Variants in PDE1A observed in about 807,000 individuals in gnomAD.
The protein encoded by PDE1A is phosphodiesterase 1A.
PDE1A carries 35 observed loss-of-function variants against 61.7 expected under a neutral mutation model. That is an observed-to-expected ratio of 0.57 (90% confidence interval 0.43 to 0.75). The LOEUF is 0.75. Among genes scored for constraint, PDE1A ranks in the 30% least tolerant of loss-of-function variants. PDE1A has a pLI of 0.00. For synonymous variants in PDE1A, 232 were observed against 213.2 expected, an observed-to-expected ratio of 1.09 and a Z score of -0.77; for missense variants, 597 against 630.6, an observed-to-expected ratio of 0.95 and a Z score of 0.57.
chr2:182,642,798 G>A, the PDE1A span, among the ~76,000 whole-genome samples: 1 of 152,162 alleles, frequency 6.6e-6, no homozygotes, highest in African/African-American at 2.4e-5. Flanking sequence ...AGAACCCTAA[G>A]TTATTTTAGG....
the PDE1A span, among the ~76,000 whole-genome samples, chr2:182,569,994 A>G: frequency 6.6e-6 from 1 of 152,144 alleles, no homozygotes; most frequent in Non-Finnish European, 1.5e-5. Context: ...CCCAAGGTGA[A>G]TTTGCTTCTG....
chr2:182,683,081 T>G, the PDE1A span, among the ~76,000 whole-genome samples: 1 of 151,952 alleles, frequency 6.6e-6, no homozygotes, highest in Non-Finnish European at 1.5e-5. Flanking sequence ...CAACTTGTGT[T>G]TTCTTTTTCT....
chr2:182,212,074 C>A (rs561297814), intron 7 of PDE1A, among the ~76,000 whole-genome samples: 2 of 152,110 alleles, frequency 1.3e-5, no homozygotes, highest in Non-Finnish European at 2.9e-5. Flanking sequence ...GACATCTTCC[C>A]TTGTTCACAA....
chr2:182,460,025 T>C (rs1449314961), intron 2 of PDE1A, among the ~76,000 whole-genome samples: 1 of 152,124 alleles, frequency 6.6e-6, no homozygotes, highest in Admixed American at 6.6e-5. Flanking sequence ...TCTTTTGTTC[T>C]TCCTTCTTCC....
intron 1 of PDE1A, among the ~76,000 whole-genome samples, chr2:182,295,553 C>T (rs1411532092): frequency 6.6e-6 from 1 of 152,086 alleles, no homozygotes; most frequent in Non-Finnish European, 1.5e-5. Flanking sequence ...ATGCCAATTT[C>T]CAGGCCCTGA....
At chr2:182,664,973 T>C in the PDE1A span, among the ~76,000 whole-genome samples, 1 of 152,192 alleles carries the variant, frequency 6.6e-6, no homozygotes, top group Non-Finnish European at 1.5e-5. Flanking sequence ...TACACAATAG[T>C]TGTTGTCAAG....
At chr2:182,252,375 T>C (rs1443234154) in intron 2 of PDE1A, among the ~76,000 whole-genome samples, 1 of 152,178 alleles carries the variant, frequency 6.6e-6, no homozygotes, top group East Asian at 1.9e-4. Flanking sequence ...GTATATATGG[T>C]CAGCCATGAA....
chr2:182,167,608 C>G (rs1691722338), downstream of PDE1A, among the ~76,000 whole-genome samples: 2 of 152,122 alleles, frequency 1.3e-5, no homozygotes, highest in African/African-American at 2.4e-5. Context: ...ACTACCCTTT[C>G]CCTCTTCGAA....
At chr2:182,421,253 T>G (rs1703260000) in intron 1 of PDE1A, among the ~76,000 whole-genome samples, 1 of 152,160 alleles carries the variant, frequency 6.6e-6, no homozygotes, top group African/African-American at 2.4e-5. Flanking sequence ...TGAAAAGCCA[T>G]TTCTAAATCT....
In PDE1A at chr2:182,458,974, T is replaced by C. The variant is rs34981789; in HGVS notation, c.101+63302A>G. On this transcript the variant is annotated intron_variant, in intron 2 of 14. Coordinates refer to the PDE1A transcript ENST00000410103. ...TTAAGCTTATCAATATCTTCTCTTG[T>C]TCTTTTTTATTCTTACACAATATAG... Among the ~76,000 whole-genome samples the C allele has an allele frequency of 4.0e-3, 611 of 152,232 alleles. 3 individuals carry two copies. Among genetic ancestry groups the C allele is most frequent in the Non-Finnish European group, 7.0e-3 (475 of 68,010 alleles).
intron 1 of PDE1A, among the ~76,000 whole-genome samples, chr2:182,323,649 A>G (rs926318158): frequency 1.3e-5 from 2 of 152,198 alleles, no homozygotes; most frequent in Admixed American, 1.3e-4. Flanking sequence ...CATCTTCAGC[A>G]TTAGCACTGC....
At position 182,277,395 on chromosome 2, in the gene PDE1A, G is replaced by A. The variant is rs111530590; in HGVS notation, c.54-12981C>T. Among the ~76,000 whole-genome samples, 1,403 of 152,202 alleles carry A rather than the reference G, an allele frequency of 9.2e-3. 18 individuals carry two copies. The highest frequency in any genetic ancestry group is 0.031 in the African/African-American group (1,300 of 41,546). On this transcript the variant is annotated intron_variant, in intron 1 of 13. Coordinates refer to ENST00000351439, the Ensembl canonical transcript of PDE1A. ...TGAAATATTGCGGGCGGGTTCCCCC[G>A]ATAAGCAATTCATTTGGGAATGCCA...
intron 6 of PDE1A, among the ~76,000 whole-genome samples, chr2:182,226,760 T>C (rs1689175017): frequency 2.0e-5 from 3 of 149,948 alleles, no homozygotes; most frequent in South Asian, 4.1e-4. Flanking sequence ...TCATGAGCAA[T>C]GCAACACTGT....
chr2:182,651,861 G>A, the PDE1A span, among the ~76,000 whole-genome samples: 2 of 152,260 alleles, frequency 1.3e-5, no homozygotes, highest in Admixed American at 6.5e-5. Context: ...GGCCTAATAG[G>A]AATATGTGAA....
rs560384150 is a variant in PDE1A, at chr2:182,354,957, C to T, written c.53+71621G>A. On this transcript the variant is annotated intron_variant, in intron 1 of 13. Transcript: ENST00000351439. The stretch of plus-strand genomic sequence containing the variant: ...GAACCAAAGTATTTTTAATAAGGTT[C>T]CTAGAGAACTTTTGATCCATAATTA... Among the ~76,000 whole-genome samples, 41 of 152,046 alleles carry T rather than the reference C, an allele frequency of 2.7e-4. 1 individual carries two copies. In the South Asian group the frequency reaches 6.8e-3, roughly 25 times the overall value.
At chr2:182,573,036 A>G in the PDE1A span, among the ~76,000 whole-genome samples, 4 of 152,142 alleles carry the variant, frequency 2.6e-5, no homozygotes, top group Middle Eastern at 3.2e-3. Flanking sequence ...TAAATCCCCA[A>G]TGAAATAATG....
chr2:182,223,387 T>C (rs1366413351), intron 7 of PDE1A, among the ~76,000 whole-genome samples: 13 of 152,070 alleles, frequency 8.5e-5, no homozygotes, highest in Non-Finnish European at 1.8e-4. Context: ...ATAACTTCCA[T>C]TGTAACCATC....
At chr2:182,653,017 T>G in the PDE1A span, among the ~76,000 whole-genome samples, 1 of 152,202 alleles carries the variant, frequency 6.6e-6, no homozygotes, top group African/African-American at 2.4e-5. Context: ...GTAGCAACTC[T>G]AGCTCTTCAG....
chr2:182,527,646 A>T (rs772439589), upstream of PDE1A, among the ~76,000 whole-genome samples: 2 of 151,990 alleles, frequency 1.3e-5, no homozygotes, highest in Non-Finnish European at 2.9e-5. Context: ...AATAACTTAG[A>T]CGTCAAGAAA....
Sources: allele counts gnomAD v4.1 joint callset (sites outside exome capture counted in the v4.1 genomes callset), GRCh38; gene constraint gnomAD v4.1.1; transcripts MANE v1.5; gene names NCBI Gene and HGNC (gene_info 2026-07-23, HGNC 2026-07-21).